RALGAPA2: variants seen among roughly 807,000 people sequenced by gnomAD.
RALGAPA2 encodes the protein Ral GTPase activating protein catalytic subunit alpha 2, also known as ral GTPase-activating protein subunit alpha-2.
A neutral mutation model predicts 230.4 loss-of-function variants in RALGAPA2; 139 were observed. That is an observed-to-expected ratio of 0.60 (90% CI 0.53 to 0.69). The LOEUF (loss-of-function observed/expected upper bound fraction) is 0.69. RALGAPA2 is among the 30% of genes least tolerant of loss of function. The pLI is 0.00. For missense variants in RALGAPA2, 2,163 were observed against 2,276.0 expected, an observed-to-expected ratio of 0.95 and a Z score of 1.01; for synonymous variants, 847 against 837.8, an observed-to-expected ratio of 1.01 and a Z score of -0.19.
intron 33 of RALGAPA2, among the ~76,000 whole-genome samples, chr20:20,509,625 T>C (rs889827418): frequency 3.9e-5 from 6 of 152,138 alleles, no homozygotes; most frequent in Non-Finnish European, 8.8e-5. Context: ...TCAACATGTA[T>C]GTAGCTATAT....
chr20:20,634,869 C>T (rs2066804282), intron 9 of RALGAPA2, among the ~76,000 whole-genome samples: 2 of 152,240 alleles, frequency 1.3e-5, no homozygotes, highest in African/African-American at 4.8e-5. Context: ...CACAACAGGC[C>T]CCACACAAGG....
chr20:20,647,890 A>T (rs1040552388), intron 4 of RALGAPA2, among the ~76,000 whole-genome samples: 1 of 152,206 alleles, frequency 6.6e-6, no homozygotes, highest in Non-Finnish European at 1.5e-5. Flanking sequence ...GAGTAACTGG[A>T]GCTCTTATGT....
chr20:20,415,259 T>C (rs1186107917), intron 37 of RALGAPA2, among the ~76,000 whole-genome samples: 1 of 152,232 alleles, frequency 6.6e-6, no homozygotes, highest in African/African-American at 2.4e-5. Flanking sequence ...CATGTTAAAA[T>C]GTTAAGTGAA....
chr20:20,692,660 C>G (rs2068956109), intron 1 of RALGAPA2, among the ~76,000 whole-genome samples: 1 of 152,202 alleles, frequency 6.6e-6, no homozygotes, highest in Non-Finnish European at 1.5e-5. Context: ...ATGAAGATAG[C>G]TGAGAAAAGC....
chr20:20,539,197 TC>T (rs2063575695), intron 24 of RALGAPA2, among the ~76,000 whole-genome samples: 1 of 152,262 alleles, frequency 6.6e-6, no homozygotes, highest in East Asian at 1.9e-4. Flanking sequence ...CTGTGCATCT[TC>T]CTCCCCCACT....
At chr20:20,439,217 G>GC (rs1373636122) in intron 37 of RALGAPA2, among the ~76,000 whole-genome samples, 4 of 144,590 alleles carry the variant, frequency 2.8e-5, no homozygotes, top group Admixed American at 2.8e-4. Flanking sequence ...CCTGGTTTTA[G>GC]TTTTTTTTTT....
chr20:20,443,481 T>C (rs1376905105), intron 37 of RALGAPA2, among the ~76,000 whole-genome samples: 1 of 152,226 alleles, frequency 6.6e-6, no homozygotes, highest in Admixed American at 6.5e-5. Flanking sequence ...GGATCCCTCT[T>C]GAGCCTTGGC....
chr20:20,474,776 G>A (rs1240115891), intron 36 of RALGAPA2, among the ~76,000 whole-genome samples: 1 of 152,168 alleles, frequency 6.6e-6, no homozygotes, highest in African/African-American at 2.4e-5. Flanking sequence ...AGTTAGAGAT[G>A]CCTACTGGGT....
intron 2 of RALGAPA2, among the ~76,000 whole-genome samples, chr20:20,678,209 A>G (rs183126063): frequency 5.1e-4 from 77 of 152,312 alleles, no homozygotes; most frequent in Admixed American, 4.6e-3. Context: ...TTATTTCATT[A>G]TTCCTTGTAG....
chr20:20,574,910 C>T (rs2064771319), intron 20 of RALGAPA2, among the ~76,000 whole-genome samples: 1 of 152,202 alleles, frequency 6.6e-6, no homozygotes, highest in South Asian at 2.1e-4. Flanking sequence ...CCCATGTGTT[C>T]TATCCCTCTT....
intron 37 of RALGAPA2, among the ~76,000 whole-genome samples, chr20:20,467,261 G>A (rs886506510): frequency 7.2e-5 from 11 of 152,148 alleles, no homozygotes; most frequent in Middle Eastern, 3.4e-3. Flanking sequence ...TCTAATCTCC[G>A]AAAATAGTAA....
At chr20:20,504,103 T>C (rs2062459165) in intron 34 of RALGAPA2, among the ~76,000 whole-genome samples, 1 of 152,198 alleles carries the variant, frequency 6.6e-6, no homozygotes. Context: ...AAAATACCTA[T>C]TCTAACATAT....
At chr20:20,454,722 G>A (rs1031440103) in intron 37 of RALGAPA2, among the ~76,000 whole-genome samples, 4 of 152,150 alleles carry the variant, frequency 2.6e-5, no homozygotes, top group African/African-American at 9.7e-5. Context: ...TCACTCTCCA[G>A]CCTCTCACTT....
Position 20,526,294 on chromosome 20 carries a change from C to T in RALGAPA2, c.3651G>A (p.Lys1217=). 1 of 1,609,112 alleles carries T rather than the reference C, an allele frequency of 6.2e-7. No individual in the cohort carries two copies. The highest frequency in any genetic ancestry group is 1.1e-5 in the South Asian group (1 of 89,406). Residue 1217 remains lysine (K), a synonymous_variant, in exon 28 of 40, where the codon AAG becomes AAA. Coordinates refer to ENST00000202677, the MANE Select transcript of RALGAPA2 (RefSeq NM_020343.4). ...GCAGAGAGGTTTCAAACATCTGAAGCTTCTCCCAGTAGGAAACCAGCAACT... is the reference window on the plus strand; with the variant it reads ...GCAGAGAGGTTTCAAACATCTGAAGTTTCTCCCAGTAGGAAACCAGCAACT... ...VLQLLVSYWE[K]LQMFETSLPR...
At chr20:20,476,721 A>AT (rs56115241) in intron 36 of RALGAPA2, among the ~76,000 whole-genome samples, 11 of 150,696 alleles carry the variant, frequency 7.3e-5, no homozygotes, top group African/African-American at 1.7e-4. Context: ...AAATAAATAA[A>AT]AGAAAATACA....
At chr20:20,497,870 G>A (rs950137426) in intron 35 of RALGAPA2, among the ~76,000 whole-genome samples, 1 of 152,154 alleles carries the variant, frequency 6.6e-6, no homozygotes, top group African/African-American at 2.4e-5. Context: ...TCAGTGGCAC[G>A]TGACTCAGAC....
At chr20:20,673,516 A>C (rs765232412) in intron 3 of RALGAPA2, among the ~76,000 whole-genome samples, 1 of 152,090 alleles carries the variant, frequency 6.6e-6, no homozygotes, top group African/African-American at 2.4e-5. Context: ...GGTGATAAGA[A>C]CAAATCCTCA....
chr20:20,418,714 TG>T (rs1396405914), intron 37 of RALGAPA2, among the ~76,000 whole-genome samples: 1 of 150,472 alleles, frequency 6.6e-6, no homozygotes, highest in Non-Finnish European at 1.5e-5. Flanking sequence ...AAGGACACAT[TG>T]AGTGCAATTC....
intron 18 of RALGAPA2, among the ~76,000 whole-genome samples, chr20:20,586,818 T>C (rs1400302800): frequency 6.6e-6 from 1 of 152,084 alleles, no homozygotes; most frequent in East Asian, 1.9e-4. Context: ...ATAGAAAATA[T>C]AAAAAACATT....
Sources: allele counts gnomAD v4.1 joint callset (sites outside exome capture counted in the v4.1 genomes callset), GRCh38; gene constraint gnomAD v4.1.1; transcripts MANE v1.5; gene names NCBI Gene and HGNC (gene_info 2026-07-23, HGNC 2026-07-21).